Variants in LPCAT2 observed in about 807,000 individuals in gnomAD.
LPCAT2 encodes the protein lysophosphatidylcholine acyltransferase 2.
Under a neutral mutation model 64.7 loss-of-function variants are expected in LPCAT2, and 58 were observed. That is an observed-to-expected ratio of 0.90 (90% CI 0.73 to 1.12). The LOEUF (loss-of-function observed/expected upper bound fraction) is 1.12, where lower values mean the gene tolerates loss of function less well. LPCAT2 is among the 50% of genes most tolerant of loss of function. The pLI is 0.00. For synonymous variants in LPCAT2, 252 were observed against 245.3 expected, an observed-to-expected ratio of 1.03 and a Z score of -0.26; for missense variants, 579 against 669.8, an observed-to-expected ratio of 0.86 and a Z score of 1.50.
intron 11 of LPCAT2, among the ~76,000 whole-genome samples, chr16:55,556,506 G>T (rs1596876735): frequency 6.6e-6 from 1 of 152,134 alleles, no homozygotes; most frequent in Admixed American, 6.5e-5. Flanking sequence ...GGCCGGGCGC[G>T]GTGGCTCACG....
intron 11 of LPCAT2, among the ~76,000 whole-genome samples, chr16:55,553,664 C>T (rs1327226116): frequency 6.6e-6 from 1 of 152,036 alleles, no homozygotes; most frequent in African/African-American, 2.4e-5. Context: ...ATTTTGACCT[C>T]CTTCTATGAA....
chr16:55,561,971 C>G (rs1460979416), intron 11 of LPCAT2, among the ~76,000 whole-genome samples: 5 of 152,020 alleles, frequency 3.3e-5, no homozygotes, highest in Non-Finnish European at 7.4e-5. Flanking sequence ...CTACTATTCT[C>G]TCCCTAATAA....
At chr16:55,526,774 A>G (rs1301405721) in intron 2 of LPCAT2, among the ~76,000 whole-genome samples, 1 of 152,204 alleles carries the variant, frequency 6.6e-6, no homozygotes, top group Non-Finnish European at 1.5e-5. Flanking sequence ...GATAGAAGGA[A>G]TAGTCTAAAT....
chr16:55,534,869 T>C (rs997430347), intron 7 of LPCAT2, among the ~76,000 whole-genome samples: 3 of 152,188 alleles, frequency 2.0e-5, no homozygotes, highest in Non-Finnish European at 4.4e-5. Context: ...TTCAGAAAAA[T>C]TTAGTCATAT....
chr16:55,531,827 C>T, intron 4 of LPCAT2, 87 bp from the exon 5 acceptor site: 2 of 815,206 alleles, frequency 2.5e-6, no homozygotes, highest in South Asian at 1.5e-5. Flanking sequence ...TAAGCATTGG[C>T]AGCTGTTTGT....
In LPCAT2 at chr16:55,509,269, C is replaced by T; in HGVS notation, c.88C>T (p.Pro30Ser). Residue 30 changes from proline (P) to serine (S), a missense_variant, in exon 1 of 14, where the codon CCC becomes TCC. Physicochemically the swap from Pro to Ser is moderately conservative, Grantham distance 74. Coordinates refer to ENST00000262134, the MANE Select transcript of LPCAT2 (RefSeq NM_017839.5). ...CGTGGGGCTGCGGCCGCCCATGGTG[C>T]CCCGTCAGGCGTCCTTCTTCCCGCC... is the stretch of plus-strand genomic sequence containing the variant. Reference protein sequence around the residue: ...GNVGLRPPMVPRQASFFPPPV... With the variant: ...GNVGLRPPMVSRQASFFPPPV... 6.6e-7 allele frequency: 1 copy of T among 1,508,044 alleles called. No homozygotes were observed. Among genetic ancestry groups the T allele is most frequent in the African/African-American group, 1.4e-5 (1 of 70,126 alleles). The allele number at this position is 1,508,044 out of a possible 1,614,324, so 93.4% of individuals were successfully genotyped here. A position where few individuals can be genotyped will look rare whatever the true frequency, so the allele number is the denominator to read the frequency against.
chr16:55,511,423 AT>A (rs1962930667), intron 1 of LPCAT2, among the ~76,000 whole-genome samples: 1 of 152,246 alleles, frequency 6.6e-6, no homozygotes, highest in African/African-American at 2.4e-5. Context: ...ACACACTTTC[AT>A]TTAAGTATGA....
chr16:55,578,043 C>T (rs1482221854), intron 12 of LPCAT2, among the ~76,000 whole-genome samples: 1 of 152,140 alleles, frequency 6.6e-6, no homozygotes, highest in African/African-American at 2.4e-5. Flanking sequence ...AGCATCTCTT[C>T]CTCTTTCCTG....
chr16:55,537,541 G>A lies in LPCAT2; in HGVS notation c.798-37G>A, dbSNP rs376012688. 6.0e-6 allele frequency: 9 copies of A among 1,505,938 alleles called. No individual in the cohort carries two copies. In the African/African-American group the frequency reaches 1.1e-4, roughly 19 times the overall value. The allele number at this position is 1,505,938 out of a possible 1,614,324, so 93.3% of individuals were successfully genotyped here. On this transcript the variant is annotated intron_variant, in intron 7 of 13. Coordinates refer to ENST00000262134, the MANE Select transcript of LPCAT2 (RefSeq NM_017839.5). Reference sequence around the variant, plus strand: ...GAATAATATAAGATGATACTTGCATGACTGTATAAAGATAGACTTTTCTTT... The same window carrying A: ...GAATAATATAAGATGATACTTGCATAACTGTATAAAGATAGACTTTTCTTT...
intron 1 of LPCAT2, among the ~76,000 whole-genome samples, chr16:55,513,522 A>C (rs1293789274): frequency 3.3e-5 from 5 of 152,212 alleles, no homozygotes; most frequent in African/African-American, 7.2e-5. Flanking sequence ...GAAAACAAAA[A>C]AAAAAAATCA....
rs149457859 is a variant in LPCAT2, at chr16:55,509,780, G to A, written c.171+428G>A. Among the ~76,000 whole-genome samples, 412 of 152,244 alleles carry A rather than the reference G, an allele frequency of 2.7e-3. 3 individuals are homozygous for A. The highest frequency in any genetic ancestry group is 9.6e-3 in the African/African-American group (400 of 41,542). ...TGAGGACATTTAGAGGATGGTCTGA[G>A]CGGGCACGGGAGGAGAGAAGATGCT... On this transcript the variant is annotated intron_variant, in intron 1 of 13. Coordinates refer to ENST00000262134, the MANE Select transcript of LPCAT2 (RefSeq NM_017839.5).
chr16:55,522,187 A>G (rs951634644), intron 1 of LPCAT2, among the ~76,000 whole-genome samples: 2 of 151,720 alleles, frequency 1.3e-5, no homozygotes, highest in African/African-American at 4.8e-5. Flanking sequence ...TCAATCTTAC[A>G]TTTATATACT....
chr16:55,569,465 G>A (rs138966889), intron 11 of LPCAT2, among the ~76,000 whole-genome samples: 71 of 152,326 alleles, frequency 4.7e-4, no homozygotes, highest in African/African-American at 1.7e-3. Context: ...AAAGCTGCCA[G>A]ACATCTTTTA....
At chr16:55,518,150 A>G (rs1963039989) in intron 1 of LPCAT2, among the ~76,000 whole-genome samples, 1 of 152,206 alleles carries the variant, frequency 6.6e-6, no homozygotes, top group Non-Finnish European at 1.5e-5. Context: ...TTCACAAGCA[A>G]CAATCTAAAA....
intron 1 of LPCAT2, among the ~76,000 whole-genome samples, chr16:55,522,947 A>G (rs1287914369): frequency 6.6e-6 from 1 of 151,728 alleles, no homozygotes; most frequent in Non-Finnish European, 1.5e-5. Flanking sequence ...TAAAATAAAA[A>G]TTAATAAATT....
At position 55,549,361 on chromosome 16, in the gene LPCAT2, A is replaced by G. The variant is rs749412817; in HGVS notation, c.1020A>G (p.Glu340=). The G allele has an allele frequency of 3.7e-6, 6 of 1,601,952 alleles. No homozygotes were observed. In the Admixed American group the frequency reaches 1.0e-4, roughly 28 times the overall value. ...ISAGQLTLPM[E]AGLVEFTKIS... is the part of the protein sequence containing the mutation. ...CAGGACAGCTAACATTGCCTATGGAAGCTGGGCTGGTGGAATTTACTAAAA... is the reference window on the plus strand; with the variant it reads ...CAGGACAGCTAACATTGCCTATGGAGGCTGGGCTGGTGGAATTTACTAAAA... Residue 340 remains glutamate (E), a synonymous_variant, in exon 10 of 14, where the codon GAA becomes GAG. Transcript: ENST00000262134.
chr16:55,578,783 T>C (rs569916791), intron 12 of LPCAT2, among the ~76,000 whole-genome samples: 11 of 152,286 alleles, frequency 7.2e-5, no homozygotes, highest in Admixed American at 7.2e-4. Flanking sequence ...TCTGGGAACT[T>C]TTCTTCATGT....
At chr16:55,582,531 T>G (rs1963898447) in intron 13 of LPCAT2, among the ~76,000 whole-genome samples, 1 of 152,200 alleles carries the variant, frequency 6.6e-6, no homozygotes, top group Non-Finnish European at 1.5e-5. Flanking sequence ...TGGCCTTATG[T>G]TCCATGAGTA....
At chr16:55,560,799 T>C (rs1371391845) in intron 11 of LPCAT2, among the ~76,000 whole-genome samples, 1 of 152,080 alleles carries the variant, frequency 6.6e-6, no homozygotes, top group Admixed American at 6.6e-5. Context: ...CTGTCACTAT[T>C]TTTAAAAAAT....
Sources: allele counts gnomAD v4.1 joint callset (sites outside exome capture counted in the v4.1 genomes callset), GRCh38; gene constraint gnomAD v4.1.1; transcripts MANE v1.5; gene names NCBI Gene and HGNC (gene_info 2026-07-23, HGNC 2026-07-21).